SDK1: variants seen among roughly 807,000 people sequenced by gnomAD.
SDK1 encodes sidekick cell adhesion molecule 1, also known as protein sidekick-1.
Under a neutral mutation model 245.5 loss-of-function variants are expected in SDK1, and 157 were observed. That is an observed-to-expected ratio of 0.64 (90% CI 0.56 to 0.73). The LOEUF is 0.73. SDK1 is among the 30% of genes least tolerant of loss of function. The pLI is 0.00. For synonymous variants in SDK1, 1,647 were observed against 1,278.5 expected (o/e 1.29, Z -6.15); for missense variants, 3,583 against 3,002.3 (o/e 1.19, Z -4.52).
At chr7:3,475,224 C>T (rs1781316643) in intron 1 of SDK1, among the ~76,000 whole-genome samples, 1 of 152,172 alleles carries the variant, frequency 6.6e-6, no homozygotes, top group Admixed American at 6.5e-5. Flanking sequence ...TTTAGTGTCA[C>T]TTGCTTCTTG....
chr7:3,510,694 A>G (rs1782550561), intron 1 of SDK1, among the ~76,000 whole-genome samples: 1 of 152,038 alleles, frequency 6.6e-6, no homozygotes, highest in Non-Finnish European at 1.5e-5. Flanking sequence ...ATACAGATGA[A>G]ACCTCAGAGA....
intron 1 of SDK1, among the ~76,000 whole-genome samples, chr7:3,430,457 C>A (rs1779808961): frequency 1.3e-5 from 2 of 152,168 alleles, no homozygotes; most frequent in Admixed American, 6.5e-5. Context: ...GAAGCTTCGT[C>A]CGCCTCATCT....
chr7:3,347,943 T>C (rs1780552517), intron 1 of SDK1, among the ~76,000 whole-genome samples: 3 of 152,112 alleles, frequency 2.0e-5, no homozygotes. Flanking sequence ...AAGTGGAGGT[T>C]CACTTTAAGT....
At chr7:4,226,193 C>T (rs1489074486) in intron 40 of SDK1, among the ~76,000 whole-genome samples, 1 of 152,216 alleles carries the variant, frequency 6.6e-6, no homozygotes, top group Non-Finnish European at 1.5e-5. Flanking sequence ...GTGTGGTTTG[C>T]TCCAGGTGCA....
intron 1 of SDK1, among the ~76,000 whole-genome samples, chr7:3,477,637 C>T (rs1781389729): frequency 6.6e-6 from 1 of 150,552 alleles, no homozygotes; most frequent in African/African-American, 2.5e-5. Context: ...GCCTCAGCCT[C>T]CTTAGTAGCT....
intron 1 of SDK1, among the ~76,000 whole-genome samples, chr7:3,342,310 C>T (rs564639681): frequency 1.3e-5 from 2 of 152,110 alleles, no homozygotes; most frequent in African/African-American, 2.4e-5. Flanking sequence ...GAAAGTTAGC[C>T]AGGTGCGGTG....
rs1363141389 is a variant in SDK1 at position 3,414,098 on chromosome 7, A to G, written c.298+112214A>G. ...AGCAGCAGAGATAGCTATGCCTTGG[A>G]AGACATATTTTTGCAGAGGTGGAAC... is the stretch of plus-strand genomic sequence containing the variant. On this transcript the variant is annotated intron_variant, in intron 1 of 44. Coordinates refer to ENST00000404826, the MANE Select transcript of SDK1 (RefSeq NM_152744.4). Among the ~76,000 whole-genome samples the G allele has an allele frequency of 2.0e-5, 3 of 152,154 alleles. No individual in the cohort carries two copies. In the East Asian group the frequency reaches 5.8e-4, roughly 29 times the overall value.
intron 5 of SDK1, among the ~76,000 whole-genome samples, chr7:3,948,139 C>A (rs1159664240): frequency 1.3e-5 from 2 of 151,574 alleles, no homozygotes; most frequent in African/African-American, 4.8e-5. Context: ...GCAGTCTCAA[C>A]AGAAAATGCA....
At chr7:3,576,184 A>G (rs1780284612) in intron 1 of SDK1, among the ~76,000 whole-genome samples, 1 of 152,158 alleles carries the variant, frequency 6.6e-6, no homozygotes, top group African/African-American at 2.4e-5. Context: ...CTTAAGGGAT[A>G]TTATAAATAA....
chr7:3,859,512 T>A (rs1780635709), intron 5 of SDK1, among the ~76,000 whole-genome samples: 1 of 152,078 alleles, frequency 6.6e-6, no homozygotes, highest in Non-Finnish European at 1.5e-5. Context: ...AGACCTGAGT[T>A]TTTTCTGTCT....
intron 22 of SDK1, among the ~76,000 whole-genome samples, chr7:4,104,627 C>T (rs1056481789): frequency 9.2e-5 from 14 of 152,238 alleles, no homozygotes; most frequent in African/African-American, 3.1e-4. Flanking sequence ...TACCATCTTA[C>T]TAGTTCCTCA....
intron 1 of SDK1, among the ~76,000 whole-genome samples, chr7:3,426,407 A>G (rs1164215650): frequency 6.6e-6 from 1 of 152,184 alleles, no homozygotes; most frequent in Non-Finnish European, 1.5e-5. Flanking sequence ...TTGTTCTAGC[A>G]GCACCATTTA....
In SDK1 at chr7:3,892,572, T is replaced by A. The variant is rs1007166786; in HGVS notation, c.848-58351T>A. 3.0e-4 allele frequency among the ~76,000 whole-genome samples: 45 copies of A among 152,158 alleles called. 1 individual carries two copies. Among genetic ancestry groups the A allele is most frequent in the Admixed American group, 2.6e-3 (39 of 15,270 alleles). On this transcript the variant is annotated intron_variant, in intron 5 of 44. Coordinates refer to ENST00000404826, the MANE Select transcript of SDK1 (RefSeq NM_152744.4). ...ACGATGAGGAGAGGGCAGAGACAAA[T>A]CATTTTGAACAAGTGATACAGTCTC...
intron 1 of SDK1, among the ~76,000 whole-genome samples, chr7:3,475,793 G>A (rs1562509250): frequency 6.6e-6 from 1 of 152,028 alleles, no homozygotes; most frequent in African/African-American, 2.4e-5. Flanking sequence ...CAGATGCACG[G>A]TTTCATAGTG....
At chr7:3,525,120 G>A (rs567740837) in intron 1 of SDK1, among the ~76,000 whole-genome samples, 1 of 152,056 alleles carries the variant, frequency 6.6e-6, no homozygotes. Context: ...GTGTACAGGA[G>A]GATGTGCATG....
chr7:4,258,769 C>T (rs1203217184), intron 44 of SDK1, among the ~76,000 whole-genome samples: 3 of 152,156 alleles, frequency 2.0e-5, no homozygotes, highest in Non-Finnish European at 2.9e-5. Context: ...GGAAGACCCC[C>T]GGGACCTGGG....
Position 3,326,735 on chromosome 7 carries a change from T to C in SDK1, c.298+24851T>C, listed in dbSNP as rs559016396. ...AATACATGCAATGGTAGAGTATGCATCTATCACTCAGTTTAAGTAATTTCA... is the reference window on the plus strand; with the variant it reads ...AATACATGCAATGGTAGAGTATGCACCTATCACTCAGTTTAAGTAATTTCA... On this transcript the variant is annotated intron_variant, in intron 1 of 44. Transcript: ENST00000404826. 9.6e-4 allele frequency among the ~76,000 whole-genome samples: 146 copies of C among 152,280 alleles called. No individual in the cohort carries two copies. In the Middle Eastern group the frequency reaches 0.024, roughly 25 times the overall value.
At chr7:4,016,836 C>T (rs1360487664) in intron 16 of SDK1, among the ~76,000 whole-genome samples, 3 of 152,206 alleles carry the variant, frequency 2.0e-5, no homozygotes, top group Admixed American at 2.0e-4. Flanking sequence ...AACTGATTTA[C>T]AGCAACTCCC....
chr7:3,449,308 C>T (rs750254036), intron 1 of SDK1, among the ~76,000 whole-genome samples: 1 of 152,216 alleles, frequency 6.6e-6, no homozygotes, highest in Non-Finnish European at 1.5e-5. Context: ...GATCCATACA[C>T]ATCTTACTTT....
Sources: gnomAD v4.1 joint callset for allele counts (sites outside exome capture counted in the v4.1 genomes callset) on GRCh38, gnomAD v4.1.1 for gene constraint, MANE v1.5 for transcripts, NCBI Gene and HGNC (gene_info 2026-07-23, HGNC 2026-07-21) for gene names.